The following BTBD3 variants were observed in gnomAD, a reference collection of about 807,000 sequenced individuals.
BTBD3 encodes BTB domain containing 3.
BTBD3 carries 14 observed loss-of-function variants against 41.6 expected under a neutral mutation model. The observed-to-expected ratio is 0.34, with a 90% confidence interval of 0.22 to 0.53. BTBD3 has a LOEUF of 0.53. BTBD3 is among the 20% of genes least tolerant of loss of function. The probability of loss-of-function intolerance (pLI) is 0.95; values close to 1 mark genes in which losing one functional copy is unlikely to be tolerated. For missense variants in BTBD3, 426 were observed against 654.7 expected, an observed-to-expected ratio of 0.65 and a Z score of 3.81; for synonymous variants, 249 against 233.7, an observed-to-expected ratio of 1.07 and a Z score of -0.60.
intron 1 of BTBD3, among the ~76,000 whole-genome samples, chr20:11,899,274 A>G (rs777949373): frequency 6.6e-5 from 10 of 152,214 alleles, no homozygotes; most frequent in Non-Finnish European, 1.3e-4. Context: ...CCACAAAATC[A>G]AAGGATCTCA....
intron 1 of BTBD3, among the ~76,000 whole-genome samples, chr20:11,909,143 G>A (rs1038742578): frequency 3.3e-5 from 5 of 151,834 alleles, no homozygotes; most frequent in East Asian, 1.9e-4. Flanking sequence ...GTGTGGTGGC[G>A]CATTCCTGTA....
At chr20:11,908,850 G>A (rs561309648) in intron 1 of BTBD3, among the ~76,000 whole-genome samples, 1 of 152,220 alleles carries the variant, frequency 6.6e-6, no homozygotes, top group Admixed American at 6.5e-5. Flanking sequence ...GTTACTTGGT[G>A]TTATTATATT....
In BTBD3 at chr20:11,923,615, T is replaced by C; in HGVS notation, c.1518T>C (p.Asn506=). Residue 506 remains asparagine, a synonymous_variant, in exon 4 of 4, where the codon AAT becomes AAC. Coordinates refer to ENST00000378226, the MANE Select transcript of BTBD3 (RefSeq NM_014962.4). The surrounding 1 kb of genome is among the most constrained non-coding windows in gnomAD (Gnocchi z 5.3). ...TTCAGTGCTCCTCAGATAGCACCAATGGCACTGGGGTACAGGGAGGGCAGA... is the reference window on the plus strand; with the variant it reads ...TTCAGTGCTCCTCAGATAGCACCAACGGCACTGGGGTACAGGGAGGGCAGA... ...VQFQCSSDST[N]GTGVQGGQIP... is the part of the protein sequence containing the mutation. 1 of 1,613,926 alleles carries C rather than the reference T, an allele frequency of 6.2e-7. No homozygotes were observed. Among genetic ancestry groups the C allele is most frequent in the East Asian group, 2.2e-5 (1 of 44,864 alleles).
chr20:11,911,697 A>G (rs527925912), intron 1 of BTBD3, among the ~76,000 whole-genome samples: 2 of 152,216 alleles, frequency 1.3e-5, no homozygotes, highest in African/African-American at 4.8e-5. Flanking sequence ...AGAGTATGTA[A>G]AACTTAGCAA....
At chr20:11,917,542 T>C (rs1298861747), upstream of BTBD3, among the ~76,000 whole-genome samples, 2 of 152,222 alleles carry the variant, frequency 1.3e-5, no homozygotes. Flanking sequence ...TGAAACTAAA[T>C]GCTGCTGGGA....
chr20:11,897,772 T>TG (rs2056796773), intron 1 of BTBD3, among the ~76,000 whole-genome samples: 1 of 152,190 alleles, frequency 6.6e-6, no homozygotes, highest in African/African-American at 2.4e-5. Flanking sequence ...CAGAGTGATC[T>TG]TTTAAAAACA....
intron 1 of BTBD3, among the ~76,000 whole-genome samples, chr20:11,902,081 T>C (rs1482304464): frequency 1.4e-5 from 2 of 145,166 alleles, no homozygotes; most frequent in African/African-American, 5.0e-5. Context: ...TGAAAATCCA[T>C]GTGTAACTTT....
chr20:11,904,743 A>G (rs530366178), intron 1 of BTBD3, among the ~76,000 whole-genome samples: 1 of 152,336 alleles, frequency 6.6e-6, no homozygotes, highest in East Asian at 1.9e-4. Flanking sequence ...TATAGCTGGA[A>G]AAGAATATTT....
chr20:11,919,540 G>C (rs1199535696), intron 2 of BTBD3, 178 bp from the exon 3 acceptor site: 3 of 1,153,338 alleles, frequency 2.6e-6, no homozygotes, highest in Non-Finnish European at 3.6e-6. Context: ...GAAATAATTA[G>C]CAGCATGGTC....
intron 1 of BTBD3, among the ~76,000 whole-genome samples, chr20:11,895,428 C>G (rs528194288): frequency 2.0e-4 from 31 of 152,296 alleles, no homozygotes; most frequent in African/African-American, 7.2e-4. Context: ...CCCTTACTCT[C>G]CCTCCCCAGT....
chr20:11,923,141 C>G lies in BTBD3; in HGVS notation c.1044C>G (p.Ile348Met). The change falls in exon 4 of 4, where the codon ATC (isoleucine) becomes ATG (methionine). Residue 348 changes from isoleucine (I) to methionine (M), a missense_variant. Transcript: ENST00000378226. The surrounding 1 kb of genome is among the most constrained non-coding windows in gnomAD (Gnocchi z 5.3). ...TAACTCTCAATGAGACCAACGACAT[C>G]TTCCTCTGGTATACTGCAGCCAAAA... ...GVLTLNETND[I>M]FLWYTAAKKP... The G allele has an allele frequency of 6.2e-7, 1 of 1,614,176 alleles. No individual in the cohort carries two copies. The highest frequency in any genetic ancestry group is 8.5e-7 in the Non-Finnish European group (1 of 1,180,048).
In BTBD3 at chr20:11,923,392, G is replaced by C; in HGVS notation, c.1295G>C (p.Gly432Ala). 6.2e-7 allele frequency: 1 copy of C among 1,614,218 alleles called. No homozygotes were observed. Among genetic ancestry groups the C allele is most frequent in the Middle Eastern group, 1.6e-4 (1 of 6,062 alleles). Residue 432 changes from glycine (G) to alanine (A), a missense_variant, in exon 4 of 4, where the codon GGC becomes GCC. Gly to Ala is a moderately conservative substitution (Grantham distance 60, BLOSUM62 0). Transcript: ENST00000378226. The surrounding 1 kb of genome is among the most constrained non-coding windows in gnomAD (Gnocchi z 5.3). ...YSAKIELKRQ[G>A]VVLGQNLSKY... The stretch of plus-strand genomic sequence containing the variant: ...GCCAAGATTGAACTTAAGCGGCAGG[G>C]CGTTGTCCTGGGGCAGAACTTGAGC...
Position 11,924,557 on chromosome 20 carries a change from C to A in BTBD3, c.*891C>A, listed in dbSNP as rs2122351032. ...CTCTTCTCTCCACTTAGCTTTTGATCCCCACTGTTTGCTTATTTGTATAAG... is the reference window on the plus strand; with the variant it reads ...CTCTTCTCTCCACTTAGCTTTTGATACCCACTGTTTGCTTATTTGTATAAG... On this transcript the variant is annotated 3_prime_UTR_variant, in exon 4 of 4. Transcript: ENST00000378226. The A allele has an allele frequency of 6.5e-6, 1 of 152,724 alleles. No individual in the cohort carries two copies. The highest frequency in any genetic ancestry group is 2.1e-4 in the South Asian group (1 of 4,824). The allele number at this position is 152,724 out of a possible 1,614,324, so 9.5% of individuals were successfully genotyped here.
At position 11,922,638 on chromosome 20, in the gene BTBD3, A is replaced by G. The variant is rs373540138; in HGVS notation, c.541A>G (p.Ile181Val). 6.2e-7 allele frequency: 1 copy of G among 1,611,764 alleles called. No homozygotes were observed. The change falls in exon 4 of 4, where the codon ATC becomes GTC. Residue 181 changes from isoleucine to valine, a missense_variant. Coordinates refer to ENST00000378226, the MANE Select transcript of BTBD3 (RefSeq NM_014962.4). ...CATGTTATGTGCTTTTTACAGATATATCTATTGTGATGAAATTGACTTGGC... is the reference window on the plus strand; with the variant it reads ...CATGTTATGTGCTTTTTACAGATATGTCTATTGTGATGAAATTGACTTGGC... ...PAAFLAMLKY[I>V]YCDEIDLAAD... is the part of the protein sequence containing the mutation.
rs1183175667 is a variant in BTBD3, at chr20:11,923,112, G to T, written c.1015G>T (p.Val339Leu). 3 of 1,614,016 alleles carry T rather than the reference G, an allele frequency of 1.9e-6. No individual in the cohort carries two copies. Among genetic ancestry groups the T allele is most frequent in the Non-Finnish European group, 2.5e-6 (3 of 1,180,040 alleles). The change falls in exon 4 of 4, where the codon GTA becomes TTA. Residue 339 changes from valine to leucine, a missense_variant. Physicochemically the swap from Val to Leu is conservative, Grantham distance 32. Coordinates refer to ENST00000378226, the MANE Select transcript of BTBD3 (RefSeq NM_014962.4). This position sits in a 1 kb window ranked among gnomAD's most constrained non-coding sequence, Gnocchi z 5.3. The part of the protein sequence containing the change: ...DFANGAAQSG[V>L]LTLNETNDIF... ...TGCAAATGGTGCTGCACAGTCCGGG[G>T]TATTAACTCTCAATGAGACCAACGA...
At chr20:11,898,812 G>A (rs927162078) in intron 1 of BTBD3, among the ~76,000 whole-genome samples, 21 of 152,134 alleles carry the variant, frequency 1.4e-4, no homozygotes, top group Non-Finnish European at 2.9e-4. Context: ...TACAGAGAGT[G>A]GTTATGAGAA....
At chr20:11,890,889 T>C in exon 1 of BTBD3, 1 of 984,584 alleles carries the variant, frequency 1.0e-6, no homozygotes, top group Non-Finnish European at 1.2e-6. Context: ...GGCCGGGGCC[T>C]GAGGAGCGGG....
At chr20:11,902,717 G>GATTTAA (rs1202417732) in intron 1 of BTBD3, among the ~76,000 whole-genome samples, 1 of 152,142 alleles carries the variant, frequency 6.6e-6, no homozygotes, top group East Asian at 1.9e-4. Flanking sequence ...ATGCCTTTAT[G>GATTTAA]ATTTAATACT....
At chr20:11,909,345 T>G (rs1293367841) in intron 1 of BTBD3, 1 of 152,172 alleles carries the variant, frequency 6.6e-6, no homozygotes, top group Non-Finnish European at 1.5e-5. Flanking sequence ...ACTGTGAGTT[T>G]TTGCCAGAAA....
Sources: gnomAD v4.1 joint callset for allele counts (sites outside exome capture counted in the v4.1 genomes callset) on GRCh38, gnomAD v4.1.1 for gene constraint, Gnocchi (gnomAD v3.1) non-coding constraint, MANE v1.5 for transcripts, NCBI Gene and HGNC (gene_info 2026-07-23, HGNC 2026-07-21) for gene names.